The following ABI2 variants were observed in gnomAD, a reference collection of about 807,000 sequenced individuals.
The protein encoded by ABI2 is abl interactor 2, also known as abelson interactor 2.
In ABI2, 25 loss-of-function variants were observed where a neutral mutation model predicts 59.2. That is an observed-to-expected ratio of 0.42 (90% CI 0.31 to 0.59). The LOEUF is 0.59. Ranked by LOEUF, ABI2 falls within the 20% of genes least tolerant of loss-of-function variation. The probability of loss-of-function intolerance (pLI) is 0.14; values close to 1 mark genes in which losing one functional copy is unlikely to be tolerated. For missense variants in ABI2, 545 were observed against 681.8 expected, an observed-to-expected ratio of 0.80 and a Z score of 2.23; for synonymous variants, 213 against 235.5, an observed-to-expected ratio of 0.90 and a Z score of 0.87.
rs1002084272 is a variant in ABI2, at chr2:203,395,864, G to A, written c.850+84G>A. ...GATTTAATTATGGTGGGCTTTCTTCGTAATCAGGATTTTTTTTCTTTAGGA... is the reference window on the plus strand; with the variant it reads ...GATTTAATTATGGTGGGCTTTCTTCATAATCAGGATTTTTTTTCTTTAGGA... On this transcript the variant is annotated intron_variant, in intron 7 of 11. Transcript: ENST00000261018. 24 of 1,385,966 alleles carry A rather than the reference G, an allele frequency of 1.7e-5. No individual in the cohort carries two copies. The African/African-American group carries it at 2.7e-4, about 15-fold the overall frequency. 85.9% of individuals were successfully genotyped at this position (1,385,966 alleles called of 1,614,324 possible). A position where few individuals can be genotyped will look rare whatever the true frequency, so the allele number is the denominator to read the frequency against.
intron 4 of ABI2, among the ~76,000 whole-genome samples, chr2:203,383,721 CCT>C (rs2096278021): frequency 6.6e-6 from 1 of 152,122 alleles, no homozygotes; most frequent in African/African-American, 2.4e-5. Context: ...TTTTTGGAGA[CCT>C]GTGGATTCTA....
intron 8 of ABI2, 56 bp from the exon 9 acceptor site, chr2:203,402,520 A>C (rs756615719): frequency 2.6e-5 from 33 of 1,288,118 alleles, no homozygotes; most frequent in Non-Finnish European, 3.3e-5. Flanking sequence ...TAAAGTATTT[A>C]ATGATCTGAG....
intron 2 of ABI2, among the ~76,000 whole-genome samples, chr2:203,377,472 G>A (rs915307840): frequency 5.3e-5 from 8 of 152,122 alleles, no homozygotes; most frequent in Non-Finnish European, 1.2e-4. Flanking sequence ...CTTGAGGATT[G>A]TGTTATCTGA....
chr2:203,338,092 A>G (rs1575705699), intron 1 of ABI2, among the ~76,000 whole-genome samples: 1 of 152,386 alleles, frequency 6.6e-6, no homozygotes, highest in African/African-American at 2.4e-5. Flanking sequence ...GACTAATGGA[A>G]CAGAATGGAG....
At chr2:203,405,244 G>A in intron 9 of ABI2, among the ~76,000 whole-genome samples, 1 of 152,120 alleles carries the variant, frequency 6.6e-6, no homozygotes, top group East Asian at 1.9e-4. Context: ...CCACAGCATT[G>A]TTAGTTGGTT....
chr2:203,402,831 G>T (rs2248848), intron 9 of ABI2, 97 bp downstream of exon 9: 47,580 of 972,894 alleles, frequency 0.049, 1,789 homozygotes, highest in African/African-American at 0.17. Flanking sequence ...ATGGTAGGTG[G>T]TTAGCACCAT....
At chr2:203,377,377 T>C (rs1411180985) in intron 2 of ABI2, among the ~76,000 whole-genome samples, 1 of 152,218 alleles carries the variant, frequency 6.6e-6, no homozygotes, top group Non-Finnish European at 1.5e-5. Context: ...AATTCTGTTA[T>C]GGCTGCTCAG....
intron 1 of ABI2, chr2:203,342,338 CTG>C (rs2080447421): frequency 2.7e-6 from 1 of 376,260 alleles, no homozygotes; most frequent in Non-Finnish European, 5.2e-6. Flanking sequence ...TAATATGGGA[CTG>C]TTTTTTTGTT....
At chr2:203,393,601 TAGTAG>T (rs2096858977) in intron 5 of ABI2, among the ~76,000 whole-genome samples, 1 of 152,156 alleles carries the variant, frequency 6.6e-6, no homozygotes, top group African/African-American at 2.4e-5. Flanking sequence ...CTTTGAAGGG[TAGTAG>T]AGTAAATTGC....
intron 1 of ABI2, among the ~76,000 whole-genome samples, chr2:203,332,453 C>T (rs1040928542): frequency 6.6e-6 from 1 of 151,976 alleles, no homozygotes; most frequent in Non-Finnish European, 1.5e-5. Context: ...GGTGAAACCG[C>T]GTATCTACTA....
Position 203,384,298 on chromosome 2 carries a change from T to TTTGTTTTTTTTTG in ABI2, c.480+2094_480+2095insGTTTTTTTTTGTT, listed in dbSNP as rs1559289203. Among the ~76,000 whole-genome samples, 476 of 128,018 alleles carry TTTGTTTTTTTTTG rather than the reference T, an allele frequency of 3.7e-3. 20 individuals are homozygous for TTTGTTTTTTTTTG. Among genetic ancestry groups the TTTGTTTTTTTTTG allele is most frequent in the African/African-American group, 9.7e-3 (332 of 34,174 alleles). 84.0% of individuals were successfully genotyped at this position (128,018 alleles called of 152,430 possible). ...CTCTTGTTTTTGTTTTTGTTTTTTT[T>TTTGTTTTTTTTTG]TTTTTTTTTTTTTTTTTTTTTTTTT... is the stretch of plus-strand genomic sequence containing the variant. On this transcript the variant is annotated intron_variant, in intron 4 of 11. Coordinates refer to ENST00000261018, the MANE Select transcript of ABI2 (RefSeq NM_001375670.1).
intron 1 of ABI2, among the ~76,000 whole-genome samples, chr2:203,358,550 A>G (rs921163835): frequency 6.6e-5 from 10 of 152,130 alleles, no homozygotes; most frequent in Admixed American, 6.5e-4. Context: ...GAACTCAAAC[A>G]CTTTTAGAAT....
intron 2 of ABI2, among the ~76,000 whole-genome samples, chr2:203,379,691 A>AG (rs1160076115): frequency 2.0e-5 from 3 of 152,166 alleles, no homozygotes; most frequent in African/African-American, 7.2e-5. Context: ...CTTAATGGAG[A>AG]GGGAAAAATT....
At chr2:203,333,378 G>A (rs1244925374) in intron 1 of ABI2, among the ~76,000 whole-genome samples, 1 of 152,102 alleles carries the variant, frequency 6.6e-6, no homozygotes, top group African/African-American at 2.4e-5. Context: ...TTTTAAGGAT[G>A]CTGGGCTTGA....
intron 1 of ABI2, among the ~76,000 whole-genome samples, chr2:203,332,379 C>T (rs982267246): frequency 6.6e-6 from 1 of 152,030 alleles, no homozygotes; most frequent in South Asian, 2.1e-4. Context: ...GTAATCCCAG[C>T]ACTTTGGGAG....
intron 1 of ABI2, among the ~76,000 whole-genome samples, chr2:203,344,186 T>C (rs958870660): frequency 1.3e-5 from 2 of 152,186 alleles, no homozygotes; most frequent in Non-Finnish European, 2.9e-5. Flanking sequence ...GACAGTCTTA[T>C]TGAGCAGCAT....
At chr2:203,333,946 T>A (rs1559141457) in intron 1 of ABI2, among the ~76,000 whole-genome samples, 1 of 149,494 alleles carries the variant, frequency 6.7e-6, no homozygotes, top group African/African-American at 2.4e-5. Context: ...TTTCTTTCTT[T>A]TTTTTTTTTT....
chr2:203,420,822 T>A (rs1034240651), intron 11 of ABI2, among the ~76,000 whole-genome samples: 5 of 152,138 alleles, frequency 3.3e-5, no homozygotes, highest in Non-Finnish European at 5.9e-5. Flanking sequence ...TCAGAGAACA[T>A]GGCGTTCTTG....
intron 4 of ABI2, 62 bp downstream of exon 4, chr2:203,382,268 AG>A (rs1217105083): frequency 3.1e-5 from 42 of 1,355,770 alleles, no homozygotes; most frequent in Non-Finnish European, 4.1e-5. Context: ...ACATATGGGG[AG>A]TTAAAGAGAT....
Sources: gnomAD v4.1 joint callset for allele counts (sites outside exome capture counted in the v4.1 genomes callset) on GRCh38, gnomAD v4.1.1 for gene constraint, MANE v1.5 for transcripts, NCBI Gene and HGNC (gene_info 2026-07-23, HGNC 2026-07-21) for gene names.